NRXN1: variants seen among roughly 807,000 people sequenced by gnomAD.
NRXN1 encodes neurexin-1.
In NRXN1, 39 loss-of-function variants were observed where a neutral mutation model predicts 150.9. The observed-to-expected ratio is 0.26, with a 90% confidence interval of 0.20 to 0.34. NRXN1 has a LOEUF of 0.34. Ranked by LOEUF, NRXN1 falls within the 10% of genes least tolerant of loss-of-function variation. The pLI is 1.00. For synonymous variants in NRXN1, 924 were observed against 757.0 expected (o/e 1.22, Z -3.62); for missense variants, 1,815 against 1,949.9 (o/e 0.93, Z 1.30).
At chr2:50,244,408 A>G (rs962485946) in intron 17 of NRXN1, among the ~76,000 whole-genome samples, 1 of 151,840 alleles carries the variant, frequency 6.6e-6, no homozygotes, top group African/African-American at 2.4e-5. Flanking sequence ...GTATAAAACT[A>G]TGACTCTACA....
intron 15 of NRXN1, among the ~76,000 whole-genome samples, chr2:50,483,937 G>T (rs138551259): frequency 3.9e-5 from 6 of 152,284 alleles, no homozygotes; most frequent in African/African-American, 7.2e-5. Flanking sequence ...TTATTTGAAA[G>T]ACAGGTTTTT....
At chr2:50,273,288 A>G (rs1394281289) in intron 17 of NRXN1, among the ~76,000 whole-genome samples, 3 of 152,214 alleles carry the variant, frequency 2.0e-5, no homozygotes, top group Non-Finnish European at 4.4e-5. Context: ...TATCATACAA[A>G]TGAACTGAAA....
chr2:50,280,647 T>C (rs559546806), intron 17 of NRXN1, among the ~76,000 whole-genome samples: 2 of 152,262 alleles, frequency 1.3e-5, no homozygotes, highest in East Asian at 3.9e-4. Context: ...TGGCACATCA[T>C]AGGTAGTTAA....
intron 8 of NRXN1, among the ~76,000 whole-genome samples, chr2:50,571,843 C>A (rs1244288094): frequency 6.6e-6 from 1 of 152,000 alleles, no homozygotes; most frequent in South Asian, 2.1e-4. Flanking sequence ...CAAAAAGAGG[C>A]AGCTGGGGTG....
chr2:50,359,246 C>T lies in NRXN1; in HGVS notation c.3364+106196G>A, dbSNP rs550697893. ...CTGCAAGCAAGGGAACAAAACTGGA[C>T]GGCGAATGAGTTTGACGAATTGACA... On this transcript the variant is annotated intron_variant, in intron 17 of 22. Transcript: ENST00000401669. Among the ~76,000 whole-genome samples the T allele has an allele frequency of 5.3e-5, 8 of 151,888 alleles. No homozygotes were observed. The South Asian group carries it at 6.2e-4, about 12-fold the overall frequency.
intron 5 of NRXN1, among the ~76,000 whole-genome samples, chr2:50,697,656 G>T (rs1240891780): frequency 6.6e-6 from 1 of 152,094 alleles, no homozygotes; most frequent in Non-Finnish European, 1.5e-5. Flanking sequence ...CTATGGTGAT[G>T]TTTTGAAGAT....
At chr2:50,589,950 C>A (rs1260271447) in intron 8 of NRXN1, among the ~76,000 whole-genome samples, 1 of 152,142 alleles carries the variant, frequency 6.6e-6, no homozygotes, top group South Asian at 2.1e-4. Context: ...ACTATTATAT[C>A]CTTAATACCT....
chr2:50,929,546 C>G (rs1421609372), intron 2 of NRXN1, among the ~76,000 whole-genome samples: 2 of 152,036 alleles, frequency 1.3e-5, no homozygotes, highest in Non-Finnish European at 2.9e-5. Context: ...GATTCCCTCT[C>G]TCCTCCATCA....
chr2:50,930,243 C>T lies in NRXN1; in HGVS notation c.773-4288G>A, dbSNP rs528533956. Among the ~76,000 whole-genome samples the T allele has an allele frequency of 6.1e-4, 93 of 152,120 alleles. 1 individual carries two copies. Among genetic ancestry groups the T allele is most frequent in the South Asian group, 1.2e-3 (6 of 4,822 alleles). ...GGGAATAAAAAATGTATCTCTAAAC[C>T]GGATGCAGCAACACAGATGTTCCTG... On this transcript the variant is annotated intron_variant, in intron 2 of 22. Transcript: ENST00000401669.
At chr2:50,907,197 A>C (rs1388258544) in intron 5 of NRXN1, among the ~76,000 whole-genome samples, 28 of 151,384 alleles carry the variant, frequency 1.8e-4, no homozygotes, top group Admixed American at 1.4e-3. Context: ...AAAAAAAAAA[A>C]CAAAAAAATA....
intron 18 of NRXN1, among the ~76,000 whole-genome samples, chr2:50,110,491 C>CAAAAAAA (rs5831088): frequency 8.3e-4 from 71 of 85,526 alleles, no homozygotes; most frequent in Non-Finnish European, 1.1e-3. Context: ...GACTCTGTCT[C>CAAAAAAA]AAAAAAAAAA....
At chr2:50,448,631 C>T (rs746916653) in intron 17 of NRXN1, among the ~76,000 whole-genome samples, 4 of 152,138 alleles carry the variant, frequency 2.6e-5, no homozygotes, top group African/African-American at 4.8e-5. Flanking sequence ...AACTAAAATG[C>T]ATATCTTTTA....
chr2:50,288,743 C>G (rs78986478), intron 17 of NRXN1, among the ~76,000 whole-genome samples: 10,483 of 152,228 alleles, frequency 0.069, 480 homozygotes, highest in Middle Eastern at 0.14. Flanking sequence ...CCCCATGATT[C>G]AATCACCTCC....
chr2:49,923,013 T>C (rs1286482128), intron 22 of NRXN1, among the ~76,000 whole-genome samples: 1 of 152,170 alleles, frequency 6.6e-6, no homozygotes, highest in East Asian at 1.9e-4. Flanking sequence ...TAGATAATAA[T>C]AGAAGGCTGG....
intron 5 of NRXN1, among the ~76,000 whole-genome samples, chr2:50,898,247 A>G (rs541886944): frequency 6.6e-6 from 1 of 152,202 alleles, no homozygotes; most frequent in African/African-American, 2.4e-5. Context: ...TTCTTTTTTT[A>G]TACAGTTCAT....
intron 5 of NRXN1, among the ~76,000 whole-genome samples, chr2:50,916,616 G>T (rs903823959): frequency 1.3e-5 from 2 of 151,476 alleles, no homozygotes; most frequent in African/African-American, 4.8e-5. Flanking sequence ...TCAGTAAAAC[G>T]CATCTAAGTT....
chr2:50,145,155 T>C (rs951781306), intron 18 of NRXN1, among the ~76,000 whole-genome samples: 1 of 151,702 alleles, frequency 6.6e-6, no homozygotes, highest in African/African-American at 2.4e-5. Context: ...TTTTAAAAAC[T>C]GCATTTGAAA....
intron 21 of NRXN1, among the ~76,000 whole-genome samples, chr2:49,951,718 T>G (rs572832690): frequency 6.6e-6 from 1 of 152,084 alleles, no homozygotes; most frequent in Admixed American, 6.6e-5. Flanking sequence ...AGTCCTATTA[T>G]GGATTAGTCA....
chr2:50,634,758 G>T (rs1417194167), intron 5 of NRXN1, among the ~76,000 whole-genome samples: 1 of 152,026 alleles, frequency 6.6e-6, no homozygotes, highest in Non-Finnish European at 1.5e-5. Flanking sequence ...CTCAAGACCT[G>T]GCCCTTCCAG....
Sources: allele counts gnomAD v4.1 joint callset (sites outside exome capture counted in the v4.1 genomes callset), GRCh38; gene constraint gnomAD v4.1.1; transcripts MANE v1.5; gene names NCBI Gene and HGNC (gene_info 2026-07-23, HGNC 2026-07-21).